Variants in CCDC125 observed in about 807,000 individuals in gnomAD.
CCDC125 encodes coiled-coil domain containing 125, also known as coiled-coil domain-containing protein 125.
A neutral mutation model predicts 57.4 loss-of-function variants in CCDC125; 43 were observed. The ratio of observed to expected loss-of-function variants is 0.75; its 90% CI spans 0.59 to 0.97. The LOEUF is 0.97. Ranked by LOEUF, CCDC125 falls within the 50% of genes least tolerant of loss-of-function variation. CCDC125 has a pLI of 0.00. For synonymous variants in CCDC125, 187 were observed against 195.2 expected (o/e 0.96, Z 0.35); for missense variants, 563 against 595.7 (o/e 0.95, Z 0.57).
chr5:69,290,964 G>A (rs1180491846), intron 10 of CCDC125, among the ~76,000 whole-genome samples: 1 of 152,066 alleles, frequency 6.6e-6, no homozygotes. Context: ...CTATGATGGT[G>A]TTCCCCTAAG....
rs1759862136 is a variant in CCDC125, at chr5:69,320,520, T to G, written c.21A>C (p.Ser7=). The G allele has an allele frequency of 1.2e-6, 2 of 1,611,022 alleles. No homozygotes were observed. The highest frequency in any genetic ancestry group is 2.7e-5 in the African/African-American group (2 of 74,830). ...AGAGCTGCACGTCTGACTCACTTGA[T>G]GATCTTGCCACCTTGCTCATGAGCC... MSKVAR[S]SSESDVQLWE... Residue 7 remains serine (S), a synonymous_variant, in exon 2 of 12, where the codon TCA becomes TCC. Coordinates refer to ENST00000396496, the MANE Select transcript of CCDC125 (RefSeq NM_176816.5).
At chr5:69,273,868 T>C in the CCDC125 span, among the ~76,000 whole-genome samples, 300 of 152,302 alleles carry the variant, frequency 2.0e-3, 6 homozygotes, top group African/African-American at 6.9e-3. Context: ...ATGTGTGCTA[T>C]GTGAATATAT....
intron 1 of CCDC125, among the ~76,000 whole-genome samples, chr5:69,320,798 T>A (rs1478597978): frequency 6.6e-6 from 1 of 151,986 alleles, no homozygotes; most frequent in East Asian, 1.9e-4. Context: ...TGTGTGTGTG[T>A]GTGTGTGTGT....
At chr5:69,273,496 T>C in the CCDC125 span, among the ~76,000 whole-genome samples, 61 of 152,276 alleles carry the variant, frequency 4.0e-4, no homozygotes, top group African/African-American at 1.4e-3. Flanking sequence ...ATTCTCACAT[T>C]GAGAACATGG....
rs1173115485 is a variant in CCDC125 at position 69,295,038 on chromosome 5, A to G, written c.817-138T>C. 9 of 563,354 alleles carry G rather than the reference A, an allele frequency of 1.6e-5. No homozygotes were observed. The Admixed American group carries it at 2.9e-4, about 18-fold the overall frequency. 34.9% of individuals were successfully genotyped at this position (563,354 alleles called of 1,614,324 possible). A position where few individuals can be genotyped will look rare whatever the true frequency, so the allele number is the denominator to read the frequency against. ...TCCAAAAAAACTGGAAAGGAAAAACAAAATAGAAGAAAGCTGAGACTGGGA... is the reference window on the plus strand; with the variant it reads ...TCCAAAAAAACTGGAAAGGAAAAACGAAATAGAAGAAAGCTGAGACTGGGA... On this transcript the variant is annotated intron_variant, in intron 8 of 11. Coordinates refer to ENST00000396496, the MANE Select transcript of CCDC125 (RefSeq NM_176816.5).
At position 69,282,404 on chromosome 5, in the gene CCDC125, A is replaced by C; in HGVS notation, c.*325T>G. ...TGGTAAAACCCCGTCTCTACTAAAA[A>C]TACAAAAATTAGCTGGGCGTGGTGG... On this transcript the variant is annotated 3_prime_UTR_variant, in exon 12 of 12. Coordinates refer to ENST00000396496, the MANE Select transcript of CCDC125 (RefSeq NM_176816.5). The C allele has an allele frequency of 1.0e-5, 2 of 197,492 alleles. No individual in the cohort carries two copies. Among genetic ancestry groups the C allele is most frequent in the South Asian group, 2.5e-4 (2 of 7,974 alleles). The allele number at this position is 197,492 out of a possible 1,614,324, so 12.2% of individuals were successfully genotyped here. A position where few individuals can be genotyped will look rare whatever the true frequency, so the allele number is the denominator to read the frequency against.
downstream of CCDC125, chr5:69,276,755 C>A: frequency 7.4e-7 from 1 of 1,354,592 alleles, no homozygotes; most frequent in Non-Finnish European, 1.0e-6. Context: ...TCGTGTATGG[C>A]TAGCGACTGA....
At chr5:69,302,584 G>A (rs1756661536) in intron 7 of CCDC125, among the ~76,000 whole-genome samples, 1 of 151,692 alleles carries the variant, frequency 6.6e-6, no homozygotes, top group Admixed American at 6.6e-5. Context: ...AATTAGCTGG[G>A]TGTGGTGGCA....
downstream of CCDC125, among the ~76,000 whole-genome samples, chr5:69,278,100 T>C (rs1304437002): frequency 6.6e-6 from 1 of 152,186 alleles, no homozygotes; most frequent in African/African-American, 2.4e-5. Context: ...CAGGCTGGCC[T>C]CTAATTCCTG....
intron 3 of CCDC125, chr5:69,313,783 C>T (rs1758547420): frequency 2.5e-6 from 2 of 792,892 alleles, no homozygotes; most frequent in Admixed American, 3.4e-5. Context: ...TCTTGCGCTT[C>T]TTCAACTTCT....
chr5:69,288,259 T>C (rs903811377), intron 10 of CCDC125, among the ~76,000 whole-genome samples: 1 of 152,150 alleles, frequency 6.6e-6, no homozygotes, highest in Non-Finnish European at 1.5e-5. Context: ...GGCTCCTGGA[T>C]AGCCTCAGGA....
At chr5:69,276,010 A>G (rs1752095155), downstream of CCDC125, among the ~76,000 whole-genome samples, 1 of 152,116 alleles carries the variant, frequency 6.6e-6, no homozygotes, top group Non-Finnish European at 1.5e-5. Context: ...TTAATTATGG[A>G]AAAATTAGAA....
At chr5:69,300,216 C>T (rs1580072301) in intron 7 of CCDC125, 89 bp from the exon 8 acceptor site, 8 of 928,120 alleles carry the variant, frequency 8.6e-6, no homozygotes, top group Middle Eastern at 2.2e-4. Flanking sequence ...ATATTCATTT[C>T]GTACAAGCAA....
intron 6 of CCDC125, among the ~76,000 whole-genome samples, chr5:69,304,589 C>A (rs1380864414): frequency 6.6e-6 from 1 of 151,476 alleles, no homozygotes; most frequent in South Asian, 2.1e-4. Flanking sequence ...CCACGCCCGG[C>A]CAATTTTTGT....
intron 10 of CCDC125, among the ~76,000 whole-genome samples, chr5:69,286,229 TA>T (rs1753398768): frequency 8.6e-6 from 1 of 116,840 alleles, no homozygotes; most frequent in African/African-American, 3.4e-5. Context: ...TATATATATA[TA>T]TATAATTTTT....
rs1425536078 is a variant in CCDC125 at position 69,306,870 on chromosome 5, A to G, written c.564T>C (p.Phe188=). 27 of 1,528,020 alleles carry G rather than the reference A, an allele frequency of 1.8e-5. No individual in the cohort carries two copies. Among genetic ancestry groups the G allele is most frequent in the African/African-American group, 4.2e-5 (3 of 70,864 alleles). 94.7% of individuals were successfully genotyped at this position (1,528,020 alleles called of 1,614,324 possible). Residue 188 remains phenylalanine (F), a synonymous_variant, in exon 6 of 12, where the codon TTT becomes TTC. Transcript: ENST00000396496. ...CTATATTTTTAAATCTATTATGATC[A>G]AATTCTATTTCCCACTGCAAGGCAT... ...EINALQWEIE[F]DHNRFKNIEE...
At chr5:69,279,319 C>G (rs964411941), downstream of CCDC125, among the ~76,000 whole-genome samples, 1 of 139,388 alleles carries the variant, frequency 7.2e-6, no homozygotes, top group African/African-American at 3.1e-5. Context: ...GCCTCAGCCT[C>G]CCGAGTAGCT....
intron 2 of CCDC125, among the ~76,000 whole-genome samples, chr5:69,315,989 T>TA (rs959227008): frequency 1.4e-4 from 20 of 146,188 alleles, no homozygotes; most frequent in South Asian, 4.3e-4. Context: ...GTATAGGAAG[T>TA]AAAAAAAAAA....
chr5:69,296,989 T>C (rs899542370), intron 8 of CCDC125, among the ~76,000 whole-genome samples: 17 of 152,212 alleles, frequency 1.1e-4, no homozygotes, highest in African/African-American at 3.9e-4. Flanking sequence ...CACAAATACT[T>C]TCCCAACATA....
Sources: allele counts gnomAD v4.1 joint callset (sites outside exome capture counted in the v4.1 genomes callset), GRCh38; gene constraint gnomAD v4.1.1; transcripts MANE v1.5; gene names NCBI Gene and HGNC (gene_info 2026-07-23, HGNC 2026-07-21).